Variants in B3GALT1 observed in about 807,000 individuals in gnomAD.
The protein encoded by B3GALT1 is UDP-Gal:betaGlcNAc beta 1,3-galactosyltransferase, polypeptide 1.
In B3GALT1, 10 loss-of-function variants were observed where a neutral mutation model predicts 23.2. The observed-to-expected ratio is 0.43, with a 90% confidence interval of 0.27 to 0.73. The LOEUF (loss-of-function observed/expected upper bound fraction) is 0.73. Ranked by LOEUF, B3GALT1 falls within the 30% of genes least tolerant of loss-of-function variation. The pLI, the probability that B3GALT1 is intolerant of heterozygous loss-of-function variation, is 0.21. For synonymous variants in B3GALT1, 156 were observed against 141.5 expected (o/e 1.10, Z -0.73); for missense variants, 299 against 405.4 (o/e 0.74, Z 2.25).
intron 2 of B3GALT1, among the ~76,000 whole-genome samples, chr2:167,522,782 A>T (rs1700209357): frequency 2.0e-5 from 3 of 152,212 alleles, no homozygotes; most frequent in South Asian, 4.1e-4. Context: ...CCTTAAATTG[A>T]TATTAATATG....
chr2:167,632,504 G>A (rs1417255754), intron 2 of B3GALT1, among the ~76,000 whole-genome samples: 6 of 152,034 alleles, frequency 3.9e-5, no homozygotes, highest in Non-Finnish European at 2.9e-5. Flanking sequence ...GCATGAGATG[G>A]TGTCTCATTG....
Position 167,870,220 on chromosome 2 carries a change from G to A in B3GALT1, c.*200G>A, listed in dbSNP as rs1196215258. 1.9e-6 allele frequency: 1 copy of A among 519,704 alleles called. No homozygotes were observed. Among genetic ancestry groups the A allele is most frequent in the Non-Finnish European group, 3.4e-6 (1 of 295,132 alleles). The allele number at this position is 519,704 out of a possible 1,614,324, so 32.2% of individuals were successfully genotyped here. A position where few individuals can be genotyped will look rare whatever the true frequency, so the allele number is the denominator to read the frequency against. On this transcript the variant is annotated 3_prime_UTR_variant, in exon 5 of 5. Transcript: ENST00000392690. ...ATAGAAACAATAAATGAGTTAGAAGGGCCAGATTTCATTCTCAGTCCCAGA... is the reference window on the plus strand; with the variant it reads ...ATAGAAACAATAAATGAGTTAGAAGAGCCAGATTTCATTCTCAGTCCCAGA...
At chr2:167,645,198 C>G (rs1390112654) in intron 2 of B3GALT1, among the ~76,000 whole-genome samples, 1 of 152,128 alleles carries the variant, frequency 6.6e-6, no homozygotes, top group African/African-American at 2.4e-5. Context: ...AGGATGCCTG[C>G]AGAATTGACC....
chr2:167,862,512 T>A (rs1466120865), intron 4 of B3GALT1, among the ~76,000 whole-genome samples: 1 of 152,192 alleles, frequency 6.6e-6, no homozygotes, highest in East Asian at 1.9e-4. Flanking sequence ...CCGATTCAAA[T>A]GCTAATCTTT....
chr2:167,545,954 A>G (rs560429228), intron 2 of B3GALT1, among the ~76,000 whole-genome samples: 2 of 152,328 alleles, frequency 1.3e-5, no homozygotes, highest in South Asian at 4.1e-4. Context: ...TATGTTTCAT[A>G]TACATCTTAT....
intron 3 of B3GALT1, among the ~76,000 whole-genome samples, chr2:167,651,528 G>A (rs879448867): frequency 6.6e-6 from 1 of 152,076 alleles, no homozygotes; most frequent in Non-Finnish European, 1.5e-5. Context: ...AGAGGTAAGT[G>A]CTGAGATAAC....
At chr2:167,792,179 G>T (rs1311446420) in intron 3 of B3GALT1, among the ~76,000 whole-genome samples, 2 of 152,232 alleles carry the variant, frequency 1.3e-5, no homozygotes, top group East Asian at 3.9e-4. Flanking sequence ...AGAAAGCAGA[G>T]ATACTATATA....
chr2:167,559,756 A>G (rs1476953368), intron 2 of B3GALT1, among the ~76,000 whole-genome samples: 1 of 152,198 alleles, frequency 6.6e-6, no homozygotes, highest in Non-Finnish European at 1.5e-5. Context: ...GTTGAGAGAA[A>G]AAAGAATAAA....
At chr2:167,764,779 T>C (rs1198807650) in intron 3 of B3GALT1, among the ~76,000 whole-genome samples, 1 of 152,162 alleles carries the variant, frequency 6.6e-6, no homozygotes, top group East Asian at 1.9e-4. Context: ...GCCACAGAAC[T>C]ATTAGAACGT....
intron 3 of B3GALT1, among the ~76,000 whole-genome samples, chr2:167,659,141 CAG>C (rs893500008): frequency 2.6e-5 from 4 of 151,882 alleles, no homozygotes; most frequent in African/African-American, 7.2e-5. Flanking sequence ...AAAACCAACT[CAG>C]AGATATAAAC....
At chr2:167,336,611 C>G (rs1013104646) in intron 1 of B3GALT1, among the ~76,000 whole-genome samples, 2 of 152,098 alleles carry the variant, frequency 1.3e-5, no homozygotes, top group South Asian at 2.1e-4. Flanking sequence ...TTTCCTGACT[C>G]TTCTTTATCT....
intron 1 of B3GALT1, among the ~76,000 whole-genome samples, chr2:167,347,178 A>G (rs996121879): frequency 2.0e-5 from 3 of 152,152 alleles, no homozygotes; most frequent in African/African-American, 7.2e-5. Flanking sequence ...TGAATGTTAA[A>G]TTTATAAAAG....
intron 2 of B3GALT1, among the ~76,000 whole-genome samples, chr2:167,614,394 C>T (rs535411019): frequency 1.3e-5 from 2 of 150,742 alleles, no homozygotes; most frequent in Non-Finnish European, 3.0e-5. Flanking sequence ...TGAGGACAGA[C>T]ATTAGAAAAC....
At chr2:167,339,425 A>C (rs1488181148) in intron 1 of B3GALT1, among the ~76,000 whole-genome samples, 2 of 150,316 alleles carry the variant, frequency 1.3e-5, no homozygotes, top group African/African-American at 4.9e-5. Flanking sequence ...ATGTGGGGGG[A>C]TGTAGGGAAA....
At chr2:167,432,534 T>A (rs1402382447) in intron 1 of B3GALT1, among the ~76,000 whole-genome samples, 1 of 152,166 alleles carries the variant, frequency 6.6e-6, no homozygotes, top group Non-Finnish European at 1.5e-5. Context: ...TGTGAACACA[T>A]GAGAAGCAAG....
At position 167,618,591 on chromosome 2, in the gene B3GALT1, T is replaced by C. The variant is rs576258041; in HGVS notation, c.-409-28318T>C. Among the ~76,000 whole-genome samples, 5 of 152,170 alleles carry C rather than the reference T, an allele frequency of 3.3e-5. No individual in the cohort carries two copies. In the South Asian group the frequency reaches 1.0e-3, roughly 32 times the overall value. ...ACAAATCTTACTCAAATTTCATTAA[T>C]TATACGACTAATGTTCTTCATAACA... On this transcript the variant is annotated intron_variant, in intron 2 of 4. Coordinates refer to ENST00000392690, the MANE Select transcript of B3GALT1 (RefSeq NM_020981.4).
intron 2 of B3GALT1, among the ~76,000 whole-genome samples, chr2:167,645,553 A>ATTTTTTTT (rs1195110974): frequency 1.1e-5 from 1 of 87,046 alleles, no homozygotes; most frequent in Non-Finnish European, 2.0e-5. Context: ...ACTGCCAATA[A>ATTTTTTTT]TTTTTTTTTT....
intron 3 of B3GALT1, among the ~76,000 whole-genome samples, chr2:167,691,223 CT>C (rs1321106139): frequency 1.2e-4 from 18 of 152,016 alleles, no homozygotes; most frequent in African/African-American, 4.1e-4. Context: ...CTGGTCAGAA[CT>C]TTCATTTCTG....
intron 1 of B3GALT1, among the ~76,000 whole-genome samples, chr2:167,447,792 C>G (rs143817819): frequency 1.3e-5 from 2 of 152,266 alleles, no homozygotes; most frequent in Non-Finnish European, 2.9e-5. Context: ...ATGGAATTCC[C>G]TGACCCCTTG....
Sources: gnomAD v4.1 joint callset for allele counts (sites outside exome capture counted in the v4.1 genomes callset) on GRCh38, gnomAD v4.1.1 for gene constraint, MANE v1.5 for transcripts, NCBI Gene and HGNC (gene_info 2026-07-23, HGNC 2026-07-21) for gene names.